Variants in ZFAND1 observed in about 807,000 individuals in gnomAD.
ZFAND1 encodes AN1-type zinc finger protein 1.
In ZFAND1, 40 loss-of-function variants were observed where a neutral mutation model predicts 38.5. That is an observed-to-expected ratio of 1.04 (90% CI 0.81 to 1.35). The LOEUF is 1.35. Among genes scored for constraint, ZFAND1 ranks in the 40% most tolerant of loss-of-function variants. The pLI is 0.00. For synonymous variants in ZFAND1, 117 were observed against 103.6 expected (o/e 1.13, Z -0.78); for missense variants, 346 against 316.3 (o/e 1.09, Z -0.71).
intron 5 of ZFAND1, 117 bp from the exon 6 acceptor site, chr8:81,714,156 T>C (rs956501417): frequency 1.0e-6 from 1 of 955,974 alleles, no homozygotes; most frequent in Middle Eastern, 3.1e-4. Context: ...AAGAGAGATA[T>C]ACAGAGACCA....
chr8:81,718,125 C>T (rs983966183), intron 2 of ZFAND1, 57 bp downstream of exon 2: 2 of 1,329,484 alleles, frequency 1.5e-6, no homozygotes, highest in East Asian at 2.4e-5. Context: ...TCAGAAATAA[C>T]CTCATATTAA....
chr8:81,712,880 T>C (rs925593367), intron 6 of ZFAND1, among the ~76,000 whole-genome samples: 1 of 151,996 alleles, frequency 6.6e-6, no homozygotes, highest in Non-Finnish European at 1.5e-5. Context: ...AAGGAATAAA[T>C]GGCCAAAAAT....
intron 6 of ZFAND1, among the ~76,000 whole-genome samples, chr8:81,709,881 T>C (rs1808088355): frequency 6.6e-6 from 1 of 152,260 alleles, no homozygotes; most frequent in Admixed American, 6.5e-5. Flanking sequence ...TAATAGTGCA[T>C]ACCTTATAAA....
chr8:81,718,424 T>C (rs879112344), intron 1 of ZFAND1, among the ~76,000 whole-genome samples, 200 bp from the exon 2 acceptor site: 4 of 152,116 alleles, frequency 2.6e-5, no homozygotes, highest in Non-Finnish European at 4.4e-5. Flanking sequence ...AAGGTATTAA[T>C]AGATGTTACT....
chr8:81,704,598 G>GCTC (rs1807918942), intron 6 of ZFAND1, among the ~76,000 whole-genome samples: 1 of 149,744 alleles, frequency 6.7e-6, no homozygotes, highest in Admixed American at 6.6e-5. Flanking sequence ...CTTGGCCTTT[G>GCTC]CTCTTCACTG....
chr8:81,713,897 T>TA, intron 6 of ZFAND1, 21 bp downstream of exon 6: 1 of 1,611,638 alleles, frequency 6.2e-7, no homozygotes, highest in Non-Finnish European at 8.5e-7. Context: ...TTTTGTGTTT[T>TA]AAAAAATCTC....
chr8:81,714,084 A>C lies in ZFAND1; in HGVS notation c.359-45T>G. On this transcript the variant is annotated intron_variant, in intron 5 of 7. Coordinates refer to ENST00000220669, the MANE Select transcript of ZFAND1 (RefSeq NM_024699.3). Reference sequence around the variant, plus strand: ...AATCACATAAAACTTTCACATTACAAATAGAATTTTATTATAATACACTTA... The same window carrying C: ...AATCACATAAAACTTTCACATTACACATAGAATTTTATTATAATACACTTA... 4 of 1,520,024 alleles carry C rather than the reference A, an allele frequency of 2.6e-6. No individual in the cohort carries two copies. The Middle Eastern group carries it at 7.1e-4, about 269-fold the overall frequency. 94.2% of individuals were successfully genotyped at this position (1,520,024 alleles called of 1,614,324 possible).
chr8:81,720,090 AAG>A (rs1478184023), intron 1 of ZFAND1, among the ~76,000 whole-genome samples: 11 of 152,200 alleles, frequency 7.2e-5, no homozygotes, highest in African/African-American at 2.7e-4. Context: ...GCTAAATCTC[AAG>A]AGTCTTTGAC....
chr8:81,703,980 A>C (rs993906013), intron 6 of ZFAND1, among the ~76,000 whole-genome samples: 4 of 152,198 alleles, frequency 2.6e-5, no homozygotes, highest in African/African-American at 9.6e-5. Flanking sequence ...TGATTTTCCT[A>C]GTTGGAATCA....
chr8:81,706,726 A>T (rs1035651382), intron 6 of ZFAND1, among the ~76,000 whole-genome samples: 3 of 152,078 alleles, frequency 2.0e-5, no homozygotes, highest in African/African-American at 7.2e-5. Flanking sequence ...TTTAACTAGA[A>T]AATTAAAAAA....
At chr8:81,719,301 T>C (rs1050918305) in intron 1 of ZFAND1, among the ~76,000 whole-genome samples, 2 of 101,022 alleles carry the variant, frequency 2.0e-5, no homozygotes, top group Non-Finnish European at 3.9e-5. Flanking sequence ...AAACCCCATC[T>C]CTACTGAAAA....
intron 6 of ZFAND1, among the ~76,000 whole-genome samples, chr8:81,704,295 G>A (rs988951903): frequency 3.9e-5 from 6 of 151,990 alleles, no homozygotes; most frequent in African/African-American, 1.2e-4. Context: ...CTAGCACTTC[G>A]GGAGGTTAAG....
chr8:81,721,183 G>C (rs1808460009), intron 1 of ZFAND1, 44 bp downstream of exon 1: 1 of 1,543,558 alleles, frequency 6.5e-7, no homozygotes, highest in African/African-American at 1.4e-5. Context: ...GCGGAGCCCT[G>C]GTCTCCCGCG....
chr8:81,703,158 T>C (rs769288136), intron 6 of ZFAND1, 34 bp from the exon 7 acceptor site: 31 of 1,394,298 alleles, frequency 2.2e-5, no homozygotes, highest in South Asian at 8.2e-5. Flanking sequence ...AACCATTACA[T>C]AGACAAAATA....
chr8:81,715,085 T>C lies in ZFAND1; in HGVS notation c.168A>G (p.Thr56=). The change falls in exon 4 of 8, where the codon ACA becomes ACG. Residue 56 remains threonine (T), a synonymous_variant. Transcript: ENST00000220669. ...EVTVINERLK[T]DQHTSYPCSF... is the part of the protein sequence containing the mutation. ...AGCATGGGTAAGATGTATGTTGATCTGTCTTCAGTCTCTCATTGATTACAG... is the reference window on the plus strand; with the variant it reads ...AGCATGGGTAAGATGTATGTTGATCCGTCTTCAGTCTCTCATTGATTACAG... The C allele has an allele frequency of 1.2e-6, 2 of 1,614,056 alleles. No individual in the cohort carries two copies. The highest frequency in any genetic ancestry group is 2.2e-5 in the South Asian group (2 of 91,082).
Position 81,701,423 on chromosome 8 carries a change from G to A in ZFAND1, c.*1272C>T, listed in dbSNP as rs1807807158. The A allele has an allele frequency of 6.6e-6, 1 of 151,566 alleles. No individual in the cohort carries two copies. Among genetic ancestry groups the A allele is most frequent in the Non-Finnish European group, 1.5e-5 (1 of 67,952 alleles). The allele number at this position is 151,566 out of a possible 1,614,324, so 9.4% of individuals were successfully genotyped here. ...TGCACATTAAATAGACTATAGTATAGTGTAAACATAATTTTTATATGCCCT... is the reference window on the plus strand; with the variant it reads ...TGCACATTAAATAGACTATAGTATAATGTAAACATAATTTTTATATGCCCT... On this transcript the variant is annotated 3_prime_UTR_variant, in exon 8 of 8. Transcript: ENST00000220669.
intron 6 of ZFAND1, among the ~76,000 whole-genome samples, chr8:81,712,822 A>G (rs1280357274): frequency 6.6e-6 from 1 of 152,186 alleles, no homozygotes; most frequent in African/African-American, 2.4e-5. Flanking sequence ...ATTCCTACCA[A>G]AATCATAATT....
intron 2 of ZFAND1, among the ~76,000 whole-genome samples, chr8:81,717,928 G>A (rs1297424479): frequency 6.6e-6 from 1 of 151,816 alleles, no homozygotes; most frequent in African/African-American, 2.4e-5. Context: ...TTTATATTGT[G>A]AATATTATTT....
chr8:81,716,391 T>C (rs1406166731), intron 3 of ZFAND1, among the ~76,000 whole-genome samples: 1 of 152,216 alleles, frequency 6.6e-6, no homozygotes, highest in African/African-American at 2.4e-5. Flanking sequence ...ACTTCATCAT[T>C]CAACTTATCT....
Sources: gnomAD v4.1 joint callset for allele counts (sites outside exome capture counted in the v4.1 genomes callset) on GRCh38, gnomAD v4.1.1 for gene constraint, MANE v1.5 for transcripts, NCBI Gene and HGNC (gene_info 2026-07-23, HGNC 2026-07-21) for gene names.